The following TAFA2 variants were observed in gnomAD, a reference collection of about 807,000 sequenced individuals.
TAFA2 encodes the protein chemokine-like protein TAFA-2.
A neutral mutation model predicts 18.8 loss-of-function variants in TAFA2; 7 were observed. That is an observed-to-expected ratio of 0.37 (90% CI 0.21 to 0.70). The LOEUF (loss-of-function observed/expected upper bound fraction) is 0.70, where lower values mean the gene tolerates loss of function less well. TAFA2 is among the 30% of genes least tolerant of loss of function. The probability of loss-of-function intolerance (pLI) is 0.53; values close to 1 mark genes in which losing one functional copy is unlikely to be tolerated. For synonymous variants in TAFA2, 60 were observed against 54.2 expected, an observed-to-expected ratio of 1.11 and a Z score of -0.47; for missense variants, 122 against 158.1, an observed-to-expected ratio of 0.77 and a Z score of 1.23.
At chr12:61,947,964 A>G (rs900503273) in intron 1 of TAFA2, among the ~76,000 whole-genome samples, 1 of 152,186 alleles carries the variant, frequency 6.6e-6, no homozygotes, top group Non-Finnish European at 1.5e-5. Context: ...TTATCAAGCT[A>G]TCAGACTTAT....
At chr12:62,081,120 G>C (rs948424196) in intron 1 of TAFA2, among the ~76,000 whole-genome samples, 3 of 152,100 alleles carry the variant, frequency 2.0e-5, no homozygotes, top group African/African-American at 7.2e-5. Context: ...GCGTGAACCC[G>C]GGAGGTGGAG....
intron 4 of TAFA2, among the ~76,000 whole-genome samples, chr12:61,728,903 A>C (rs890365520): frequency 4.0e-5 from 6 of 151,894 alleles, no homozygotes; most frequent in African/African-American, 1.2e-4. Context: ...AAGATTTAGA[A>C]TTTCTTTTAA....
chr12:61,862,515 G>C (rs189654890), intron 2 of TAFA2, among the ~76,000 whole-genome samples: 1 of 152,298 alleles, frequency 6.6e-6, no homozygotes, highest in East Asian at 1.9e-4. Context: ...AGAAAACGGA[G>C]TAATACAGTT....
At chr12:61,734,188 T>C (rs1435544867) in intron 4 of TAFA2, among the ~76,000 whole-genome samples, 2 of 151,094 alleles carry the variant, frequency 1.3e-5, no homozygotes, top group Non-Finnish European at 2.9e-5. Flanking sequence ...GATAATGGGG[T>C]TTTCTAGATA....
At chr12:62,068,362 A>G (rs1376417484) in intron 1 of TAFA2, among the ~76,000 whole-genome samples, 1 of 152,174 alleles carries the variant, frequency 6.6e-6, no homozygotes, top group Admixed American at 6.5e-5. Context: ...TCAGCTACCT[A>G]GGCAAATCAA....
intron 1 of TAFA2, among the ~76,000 whole-genome samples, chr12:62,214,306 T>G (rs1355640022): frequency 6.6e-6 from 1 of 152,148 alleles, no homozygotes; most frequent in African/African-American, 2.4e-5. Flanking sequence ...TGATAGGGAA[T>G]AAGTCTCACG....
chr12:61,985,231 GTTAC>G (rs2136681467), intron 1 of TAFA2, among the ~76,000 whole-genome samples: 2 of 152,292 alleles, frequency 1.3e-5, no homozygotes, highest in African/African-American at 4.8e-5. Flanking sequence ...CTTATTTTGA[GTTAC>G]TTAATATGGC....
intron 1 of TAFA2, among the ~76,000 whole-genome samples, chr12:61,985,716 G>T (rs1420487225): frequency 6.6e-6 from 1 of 152,134 alleles, no homozygotes; most frequent in Non-Finnish European, 1.5e-5. Context: ...TGTTGCTCCT[G>T]TTTTGGAATG....
At chr12:62,173,602 A>G (rs2062493532) in intron 1 of TAFA2, among the ~76,000 whole-genome samples, 1 of 152,208 alleles carries the variant, frequency 6.6e-6, no homozygotes, top group Admixed American at 6.5e-5. Context: ...CAATTCGTTT[A>G]TTTAACATTT....
At position 61,833,908 on chromosome 12, in the gene TAFA2, A is replaced by G. The variant is rs116518391; in HGVS notation, c.106+33412T>C. On this transcript the variant is annotated intron_variant, in intron 2 of 4. Coordinates refer to ENST00000416284, the MANE Select transcript of TAFA2 (RefSeq NM_178539.5). ...TTTAGGGAGTTTTAAAACACACATAATCAAGCCCAACTCCAAGAGCTGGTA... is the reference window on the plus strand; with the variant it reads ...TTTAGGGAGTTTTAAAACACACATAGTCAAGCCCAACTCCAAGAGCTGGTA... 1.4e-3 allele frequency among the ~76,000 whole-genome samples: 209 copies of G among 152,096 alleles called. 4 individuals are homozygous for G. The highest frequency in any genetic ancestry group is 4.8e-3 in the African/African-American group (201 of 41,538).
rs77915515 is a variant in TAFA2 at position 61,857,349 on chromosome 12, T to C, written c.106+9971A>G. Reference sequence around the variant, plus strand: ...TAAATAAGACACTATGTCTAGACCTTCTCATTTAATAAGGATATTCAATTT... The same window carrying C: ...TAAATAAGACACTATGTCTAGACCTCCTCATTTAATAAGGATATTCAATTT... On this transcript the variant is annotated intron_variant, in intron 2 of 4. Coordinates refer to ENST00000416284, the MANE Select transcript of TAFA2 (RefSeq NM_178539.5). Among the ~76,000 whole-genome samples, 984 of 152,254 alleles carry C rather than the reference T, an allele frequency of 6.5e-3. 6 individuals carry two copies. Among genetic ancestry groups the C allele is most frequent in the African/African-American group, 0.022 (932 of 41,562 alleles).
intron 2 of TAFA2, among the ~76,000 whole-genome samples, chr12:61,757,865 C>A (rs983693041): frequency 6.6e-6 from 1 of 151,958 alleles, no homozygotes; most frequent in Non-Finnish European, 1.5e-5. Context: ...AGTGTAGTGG[C>A]CAAGAGTATA....
chr12:61,764,324 A>G (rs2120810373), intron 2 of TAFA2, among the ~76,000 whole-genome samples: 1 of 152,240 alleles, frequency 6.6e-6, no homozygotes, highest in South Asian at 2.1e-4. Flanking sequence ...AAAACTGTAA[A>G]GAAATAGAAC....
chr12:62,234,417 T>C, intron 1 of TAFA2: 1 of 725,258 alleles, frequency 1.4e-6, no homozygotes, highest in Non-Finnish European at 2.6e-6. Flanking sequence ...CGTCCTGCTG[T>C]CCATTGTTGG....
At chr12:61,894,508 CACAAAG>C (rs956292586) in intron 1 of TAFA2, among the ~76,000 whole-genome samples, 1 of 152,118 alleles carries the variant, frequency 6.6e-6, no homozygotes, top group South Asian at 2.1e-4. Flanking sequence ...ATTTGGGGAG[CACAAAG>C]ACAAACAGTA....
chr12:61,773,883 A>C, intron 2 of TAFA2, among the ~76,000 whole-genome samples: 1 of 152,112 alleles, frequency 6.6e-6, no homozygotes, highest in East Asian at 1.9e-4. Context: ...GCTTCTGTAC[A>C]GCAAAAGTAA....
rs560629187 is a variant in TAFA2 at position 61,761,033 on chromosome 12, C to T, written c.107-6009G>A. 5.3e-5 allele frequency among the ~76,000 whole-genome samples: 8 copies of T among 152,074 alleles called. No individual in the cohort carries two copies. The South Asian group carries it at 8.3e-4, about 16-fold the overall frequency. ...AGTCTTACCCAGCTCTAATTTCTGC[C>T]TTCCAAGGTTATGGCCCTTATGTCT... On this transcript the variant is annotated intron_variant, in intron 2 of 4. Coordinates refer to ENST00000416284, the MANE Select transcript of TAFA2 (RefSeq NM_178539.5).
intron 1 of TAFA2, among the ~76,000 whole-genome samples, chr12:61,935,836 C>A (rs1877739276): frequency 6.6e-6 from 1 of 151,752 alleles, no homozygotes; most frequent in African/African-American, 2.4e-5. Flanking sequence ...ATAGTAAGTT[C>A]TGAAATTGAA....
At chr12:62,110,034 A>G (rs911546704) in intron 1 of TAFA2, among the ~76,000 whole-genome samples, 1 of 152,036 alleles carries the variant, frequency 6.6e-6, no homozygotes, top group African/African-American at 2.4e-5. Flanking sequence ...GAGTGGTGAG[A>G]GAGGGCATCC....
Sources: allele counts gnomAD v4.1 joint callset (sites outside exome capture counted in the v4.1 genomes callset), GRCh38; gene constraint gnomAD v4.1.1; transcripts MANE v1.5; gene names NCBI Gene and HGNC (gene_info 2026-07-23, HGNC 2026-07-21).